Variants in RET observed in about 807,000 individuals in gnomAD.
The protein encoded by RET is proto-oncogene tyrosine-protein kinase receptor Ret.
Under a neutral mutation model 118.3 loss-of-function variants are expected in RET, and 19 were observed. The observed-to-expected ratio is 0.16, with a 90% CI of 0.11 to 0.24. RET has a LOEUF of 0.24. Ranked by LOEUF, RET falls within the 10% of genes least tolerant of loss-of-function variation. The pLI, the probability that RET is intolerant of heterozygous loss-of-function variation, is 1.00. For missense variants in RET, 1,219 were observed against 1,502.1 expected, an observed-to-expected ratio of 0.81 and a Z score of 3.12; for synonymous variants, 597 against 644.1, an observed-to-expected ratio of 0.93 and a Z score of 1.11.
rs894850414 is a variant in RET, at chr10:43,111,527, C to T, written c.1522+62C>T. On this transcript the variant is annotated intron_variant, in intron 7 of 19. Coordinates refer to ENST00000355710, the MANE Select transcript of RET (RefSeq NM_020975.6). ...TGGGGGCTTCTGGAGCCTGGGCCTC[C>T]TGCCCTTTGAGAAAAGCAGTACAGC... 4 of 1,550,968 alleles carry T rather than the reference C, an allele frequency of 2.6e-6. No homozygotes were observed. In the African/African-American group the frequency reaches 4.1e-5, roughly 16 times the overall value.
At position 43,116,834 on chromosome 10, in the gene RET, C is replaced by T. The variant is rs1588875654; in HGVS notation, c.2284+103C>T. 5.5e-6 allele frequency: 8 copies of T among 1,443,806 alleles called. No homozygotes were observed. In the East Asian group the frequency reaches 1.6e-4, roughly 29 times the overall value. 89.4% of individuals were successfully genotyped at this position (1,443,806 alleles called of 1,614,324 possible). The stretch of plus-strand genomic sequence containing the variant: ...ATGGGACCCTGAAGAGCCCCCAATG[C>T]TGTTCTAGAGCGGCTGCAGTTGGGG... On this transcript the variant is annotated intron_variant, in intron 12 of 19. Coordinates refer to ENST00000355710, the MANE Select transcript of RET (RefSeq NM_020975.6).
At position 43,106,253 on chromosome 10, in the gene RET, GACA is replaced by G; in HGVS notation, c.868-119_868-117del. The G allele has an allele frequency of 1.0e-6, 1 of 1,004,278 alleles. No individual in the cohort carries two copies. The allele number at this position is 1,004,278 out of a possible 1,614,324, so 62.2% of individuals were successfully genotyped here. A position where few individuals can be genotyped will look rare whatever the true frequency, so the allele number is the denominator to read the frequency against. ...TCAGACTGTCCCCAGACCTGGCTCT[GACA>G]ACACACATCTGGTCCACCTATGGGC... On this transcript the variant is annotated intron_variant, in intron 4 of 19. Coordinates refer to ENST00000355710, the MANE Select transcript of RET (RefSeq NM_020975.6). The surrounding 1 kb of genome is among the most constrained non-coding windows in gnomAD (Gnocchi z 5.1).
chr10:43,098,433 T>TG (rs1471716019), intron 1 of RET, among the ~76,000 whole-genome samples: 2 of 151,516 alleles, frequency 1.3e-5, no homozygotes, highest in African/African-American at 2.4e-5. Flanking sequence ...TTTTTTTTTT[T>TG]TTTTTTTGAG....
rs368550200 is a variant in RET at position 43,124,888 on chromosome 10, G to A, written c.2945G>A (p.Arg982His). ...RPDNCSEEMY[R>H]LMLQCWKQEP... ...CTGTCTGCTCTTCCCACCAGGTACC[G>A]CCTGATGCTGCAATGCTGGAAGCAG... is the stretch of plus-strand genomic sequence containing the variant. The change falls in exon 18 of 20, where the codon CGC becomes CAC. Residue 982 changes from arginine to histidine, a missense_variant. Physicochemically the swap from Arg to His is conservative, Grantham distance 29. Coordinates refer to ENST00000355710, the MANE Select transcript of RET (RefSeq NM_020975.6). The A allele has an allele frequency of 1.7e-5, 27 of 1,613,794 alleles. No individual in the cohort carries two copies. In the East Asian group the frequency reaches 2.5e-4, roughly 15 times the overall value.
Position 43,108,917 on chromosome 10 carries a change from G to A in RET, c.1064-114G>A, listed in dbSNP as rs3026742. 2,327 of 1,020,938 alleles carry A rather than the reference G, an allele frequency of 2.3e-3. 46 individuals are homozygous for A. The African/African-American group carries it at 0.034, about 15-fold the overall frequency. 63.2% of individuals were successfully genotyped at this position (1,020,938 alleles called of 1,614,324 possible). On this transcript the variant is annotated intron_variant, in intron 5 of 19. Transcript: ENST00000355710. ...GCCTGTTGCATGGCACTGTATGTGT[G>A]AAAGTGCGTGTTTGCACCAGTGTGA...
intron 3 of RET, 193 bp from the exon 4 acceptor site, chr10:43,104,758 CG>C: frequency 1.2e-6 from 1 of 812,482 alleles, no homozygotes; most frequent in South Asian, 1.8e-5. Context: ...ACTGCAAACT[CG>C]TAAGCACAGT....
intron 11 of RET, among the ~76,000 whole-genome samples, chr10:43,115,231 GGT>G (rs1340260657): frequency 6.6e-6 from 1 of 152,244 alleles, no homozygotes; most frequent in Non-Finnish European, 1.5e-5. Flanking sequence ...CAGAGCCAAG[GGT>G]GTGAGTGAAC....
At chr10:43,080,479 T>C (rs193196427) in intron 1 of RET, among the ~76,000 whole-genome samples, 81 of 152,354 alleles carry the variant, frequency 5.3e-4, no homozygotes, top group Middle Eastern at 3.4e-3. Context: ...TCATAGCCTA[T>C]GGACTCGAAC....
chr10:43,079,962 C>T (rs373337525), intron 1 of RET, among the ~76,000 whole-genome samples: 3 of 152,212 alleles, frequency 2.0e-5, no homozygotes, highest in African/African-American at 7.2e-5. Flanking sequence ...CCTGTCTGGC[C>T]TCCAGAAGCT....
At position 43,114,641 on chromosome 10, in the gene RET, C is replaced by G. The variant is rs567241943; in HGVS notation, c.2041C>G (p.Gln681Glu). The G allele has an allele frequency of 6.2e-6, 10 of 1,613,096 alleles. No homozygotes were observed. In the East Asian group the frequency reaches 1.8e-4, roughly 29 times the overall value. ...SAEMTFRRPA[Q>E]AFPVSYSSSG... ...TGAGATGACCTTCCGGAGGCCCGCCCAGGCCTTCCCGGTCAGCTACTCCTC... is the reference window on the plus strand; with the variant it reads ...TGAGATGACCTTCCGGAGGCCCGCCGAGGCCTTCCCGGTCAGCTACTCCTC... The change falls in exon 11 of 20, where the codon CAG becomes GAG. Residue 681 changes from glutamine to glutamate, a missense_variant. By Grantham distance (29) the Gln-to-Glu change is conservative. This residue lies in a region of RET where 850 missense variants were observed against 969.6 expected (regional missense o/e 0.88). Transcript: ENST00000355710. This position sits in a 1 kb window ranked among gnomAD's most constrained non-coding sequence, Gnocchi z 4.6.
intron 1 of RET, among the ~76,000 whole-genome samples, chr10:43,082,599 CCCTTGCT>C (rs1837209046): frequency 7.6e-6 from 1 of 131,954 alleles, no homozygotes; most frequent in Non-Finnish European, 1.8e-5. Flanking sequence ...CCACTCCTGG[CCCTTGCT>C]CCTCTGTGCT....
chr10:43,108,148 C>A (rs1447206132), intron 5 of RET, among the ~76,000 whole-genome samples: 4 of 151,384 alleles, frequency 2.6e-5, no homozygotes, highest in Non-Finnish European at 4.4e-5. Flanking sequence ...GAGTTCGAGA[C>A]CAGCCTAGGC....
At chr10:43,118,568 C>T (rs1838129504) in intron 13 of RET, 88 bp downstream of exon 13, 1 of 952,084 alleles carries the variant, frequency 1.1e-6, no homozygotes, top group African/African-American at 1.6e-5. Flanking sequence ...TCTCCCTTTC[C>T]CTACTGCTCC....
At position 43,100,707 on chromosome 10, in the gene RET, A is replaced by C. The variant is rs567877611; in HGVS notation, c.322A>C (p.Lys108Gln). The C allele has an allele frequency of 9.4e-5, 151 of 1,602,950 alleles. 2 individuals carry two copies. In the South Asian group the frequency reaches 1.6e-3, roughly 17 times the overall value. ...NRSLDHSSWE[K>Q]LSVRNRGFPL... ...GAGCCTGGACCATAGCTCCTGGGAG[A>C]AGCTCAGTGTCCGCAGTAAGGGAGC... Residue 108 changes from lysine (K) to glutamine (Q), a missense_variant, in exon 2 of 20, where the codon AAG (lysine) becomes CAG (glutamine). By Grantham distance (53) the Lys-to-Gln change is moderately conservative. Coordinates refer to ENST00000355710, the MANE Select transcript of RET (RefSeq NM_020975.6).
At chr10:43,127,432 G>T in intron 19 of RET, 2 of 1,055,376 alleles carry the variant, frequency 1.9e-6, no homozygotes, top group Non-Finnish European at 2.3e-6. Context: ...TGGTGCTGTG[G>T]TCTTACAATG....
At chr10:43,098,508 G>T (rs556319388) in intron 1 of RET, among the ~76,000 whole-genome samples, 1 of 142,022 alleles carries the variant, frequency 7.0e-6, no homozygotes, top group Non-Finnish European at 1.5e-5. Context: ...TACAACCTCC[G>T]CCTCGTGGGT....
At chr10:43,127,742 C>T (rs760036715) in intron 19 of RET, among the ~76,000 whole-genome samples, 4 of 151,728 alleles carry the variant, frequency 2.6e-5, no homozygotes, top group Non-Finnish European at 4.4e-5. Flanking sequence ...GCCTCCTTTA[C>T]GTTAGAGAAT....
intron 1 of RET, among the ~76,000 whole-genome samples, chr10:43,091,646 C>CCAA (rs1287400563): frequency 1.3e-5 from 2 of 148,540 alleles, no homozygotes; most frequent in Non-Finnish European, 3.0e-5. Context: ...AAAAAAAAAC[C>CCAA]CAACAACAAC....
intron 1 of RET, among the ~76,000 whole-genome samples, chr10:43,097,525 G>A (rs1471899887): frequency 6.6e-6 from 1 of 152,154 alleles, no homozygotes; most frequent in African/African-American, 2.4e-5. Flanking sequence ...GACATAGGAT[G>A]CCACATGGGA....
Sources: allele counts gnomAD v4.1 joint callset (sites outside exome capture counted in the v4.1 genomes callset), GRCh38; gene constraint gnomAD v4.1.1; regional missense constraint gnomAD v4.1.1; non-coding constraint Gnocchi (gnomAD v3.1); transcripts MANE v1.5; gene names NCBI Gene and HGNC (gene_info 2026-07-23, HGNC 2026-07-21).